IKZF1: variants seen among roughly 807,000 people sequenced by gnomAD.
The protein encoded by IKZF1 is IKAROS family zinc finger 1, also known as DNA-binding protein Ikaros.
IKZF1 carries 10 observed loss-of-function variants against 51.7 expected under a neutral mutation model. That is an observed-to-expected ratio of 0.19 (90% confidence interval 0.12 to 0.33). The LOEUF is 0.33. IKZF1 is among the 10% of genes least tolerant of loss of function. The probability of loss-of-function intolerance (pLI) is 1.00; values close to 1 mark genes in which losing one functional copy is unlikely to be tolerated. For synonymous variants in IKZF1, 280 were observed against 282.3 expected, an observed-to-expected ratio of 0.99 and a Z score of 0.08; for missense variants, 484 against 707.5, an observed-to-expected ratio of 0.68 and a Z score of 3.58.
intron 3 of IKZF1, among the ~76,000 whole-genome samples, chr7:50,330,465 G>C (rs914751820): frequency 6.6e-6 from 1 of 152,126 alleles, no homozygotes; most frequent in Non-Finnish European, 1.5e-5. Context: ...AACCAGGCAC[G>C]ACACAAAGGA....
At chr7:50,305,251 A>T (rs1418664332) in intron 1 of IKZF1, among the ~76,000 whole-genome samples, 1 of 152,200 alleles carries the variant, frequency 6.6e-6, no homozygotes, top group African/African-American at 2.4e-5. Context: ...AGTCGTGTGT[A>T]AAGAGTTTTC....
chr7:50,359,601 G>T (rs1232329531), intron 3 of IKZF1, among the ~76,000 whole-genome samples: 1 of 152,212 alleles, frequency 6.6e-6, no homozygotes, highest in East Asian at 1.9e-4. Flanking sequence ...TTAAATATAT[G>T]TGTAGAAAGG....
At chr7:50,375,189 A>G (rs1809857247) in intron 3 of IKZF1, among the ~76,000 whole-genome samples, 1 of 152,188 alleles carries the variant, frequency 6.6e-6, no homozygotes, top group Non-Finnish European at 1.5e-5. Flanking sequence ...TGGGAGGCCA[A>G]GTCAGGTGGA....
At chr7:50,369,554 G>A (rs1029815396) in intron 3 of IKZF1, 8 of 398,518 alleles carry the variant, frequency 2.0e-5, no homozygotes, top group Middle Eastern at 6.3e-4. Context: ...TCACACAAGC[G>A]GCTACTTGGT....
chr7:50,318,365 G>C (rs911087254), intron 1 of IKZF1: 1 of 228,428 alleles, frequency 4.4e-6, no homozygotes, highest in Non-Finnish European at 8.7e-6. Flanking sequence ...AGGAAGGCTC[G>C]GGCTGTCTCC....
At chr7:50,382,328 T>G (rs1812062833) in intron 4 of IKZF1, among the ~76,000 whole-genome samples, 1 of 152,166 alleles carries the variant, frequency 6.6e-6, no homozygotes, top group African/African-American at 2.4e-5. Flanking sequence ...GCCATTCTGA[T>G]TTAGGGAAAA....
At chr7:50,366,262 T>TA (rs377485520) in intron 3 of IKZF1, among the ~76,000 whole-genome samples, 186 of 151,786 alleles carry the variant, frequency 1.2e-3, no homozygotes, top group Middle Eastern at 3.4e-3. Context: ...AAAGTTAAAT[T>TA]AAAAAAAAAT....
intron 3 of IKZF1, among the ~76,000 whole-genome samples, chr7:50,343,510 C>A (rs1799600025): frequency 6.6e-6 from 1 of 152,166 alleles, no homozygotes; most frequent in South Asian, 2.1e-4. Flanking sequence ...CACAACTACA[C>A]AAATCTCTTG....
chr7:50,321,236 T>C (rs532760323), intron 2 of IKZF1, among the ~76,000 whole-genome samples: 6 of 152,354 alleles, frequency 3.9e-5, no homozygotes, highest in African/African-American at 1.2e-4. Context: ...TAGCATTATT[T>C]GAATTTATTT....
At chr7:50,326,055 G>C (rs1794921742) in intron 2 of IKZF1, among the ~76,000 whole-genome samples, 1 of 152,228 alleles carries the variant, frequency 6.6e-6, no homozygotes, top group African/African-American at 2.4e-5. Flanking sequence ...GAATGAAGTA[G>C]TATTCCCCAG....
At chr7:50,331,437 G>GGAA (rs1796422106) in intron 3 of IKZF1, among the ~76,000 whole-genome samples, 1 of 123,588 alleles carries the variant, frequency 8.1e-6, no homozygotes, top group African/African-American at 3.4e-5. Context: ...GCTAAAAGAT[G>GGAA]CAAAAAAAAA....
At position 50,394,165 on chromosome 7, in the gene IKZF1, G is replaced by A. The variant is rs75947749; in HGVS notation, c.850+2302G>A. 2.4e-3 allele frequency: 553 copies of A among 232,804 alleles called. 6 individuals carry two copies. The highest frequency in any genetic ancestry group is 0.011 in the African/African-American group (505 of 45,444). 14.4% of individuals were successfully genotyped at this position (232,804 alleles called of 1,614,324 possible). ...AGGGGACATAGTAGGAACAGTGGAC[G>A]AGGGTAGCAGAAGAGGAGTTTGGAG... On this transcript the variant is annotated intron_variant, in intron 7 of 7. Transcript: ENST00000331340.
At chr7:50,369,401 G>T in intron 3 of IKZF1, 1 of 397,140 alleles carries the variant, frequency 2.5e-6, no homozygotes, top group Non-Finnish European at 4.4e-6. Context: ...ATGTGTTAAT[G>T]TTATGATAGT....
At chr7:50,391,680 C>T (rs2153500887) in intron 6 of IKZF1, 49 bp from the exon 7 acceptor site, 1 of 1,607,042 alleles carries the variant, frequency 6.2e-7, no homozygotes, top group Non-Finnish European at 8.5e-7. Context: ...GCGACTGAAC[C>T]CTTTAAACAT....
At chr7:50,389,790 T>A (rs1205642179) in intron 6 of IKZF1, among the ~76,000 whole-genome samples, 2 of 152,180 alleles carry the variant, frequency 1.3e-5, no homozygotes, top group Admixed American at 6.5e-5. Flanking sequence ...GGCAGGGGCT[T>A]GGTCATTTCA....
At chr7:50,312,291 C>T (rs1372682647) in intron 1 of IKZF1, among the ~76,000 whole-genome samples, 1 of 152,142 alleles carries the variant, frequency 6.6e-6, no homozygotes, top group African/African-American at 2.4e-5. Flanking sequence ...CATGGCGGCT[C>T]AATAAACAGC....
chr7:50,367,712 C>G (rs1807372770), intron 3 of IKZF1: 2 of 314,644 alleles, frequency 6.4e-6, no homozygotes, highest in Non-Finnish European at 5.9e-6. Flanking sequence ...TCTCACAGTT[C>G]TAGAATGTTT....
chr7:50,336,339 C>A (rs1314017063), intron 3 of IKZF1, among the ~76,000 whole-genome samples: 3 of 152,010 alleles, frequency 2.0e-5, no homozygotes, highest in Admixed American at 2.0e-4. Context: ...GGTGAAGGGG[C>A]GTGCGTGGGG....
chr7:50,309,149 A>G (rs7782210), intron 1 of IKZF1, among the ~76,000 whole-genome samples: 63,116 of 152,038 alleles, frequency 0.42, 13,382 homozygotes, highest in East Asian at 0.59. Flanking sequence ...ACGGCTTAAC[A>G]AATGGCTGAA....
Sources: allele counts gnomAD v4.1 joint callset (sites outside exome capture counted in the v4.1 genomes callset), GRCh38; gene constraint gnomAD v4.1.1; transcripts MANE v1.5; gene names NCBI Gene and HGNC (gene_info 2026-07-23, HGNC 2026-07-21).